Variants in CCDC178 observed in about 807,000 individuals in gnomAD.
CCDC178 encodes the protein coiled-coil domain-containing protein 178.
In CCDC178, 126 loss-of-function variants were observed where a neutral mutation model predicts 117.4. The ratio of observed to expected loss-of-function variants is 1.07; its 90% CI spans 0.93 to 1.24. CCDC178 has a LOEUF of 1.24. Among genes scored for constraint, CCDC178 ranks in the 50% most tolerant of loss-of-function variants. The pLI, the probability that CCDC178 is intolerant of heterozygous loss-of-function variation, is 0.00. For missense variants in CCDC178, 1,030 were observed against 986.9 expected, an observed-to-expected ratio of 1.04 and a Z score of -0.59; for synonymous variants, 283 against 313.4, an observed-to-expected ratio of 0.90 and a Z score of 1.02.
chr18:33,333,479 G>C, intron 9 of CCDC178, 85 bp from the exon 10 acceptor site: 9 of 369,964 alleles, frequency 2.4e-5, no homozygotes, highest in South Asian at 6.0e-5. Flanking sequence ...TTTAATTTCA[G>C]AAATTCCTTA....
chr18:33,430,064 A>G (rs1214713109), intron 2 of CCDC178, among the ~76,000 whole-genome samples: 1 of 152,226 alleles, frequency 6.6e-6, no homozygotes, highest in Non-Finnish European at 1.5e-5. Flanking sequence ...CTGCATTTAT[A>G]TTAATCATTT....
At chr18:33,322,801 T>C (rs955881771) in intron 11 of CCDC178, among the ~76,000 whole-genome samples, 1 of 151,436 alleles carries the variant, frequency 6.6e-6, no homozygotes, top group Non-Finnish European at 1.5e-5. Context: ...GAATGTTATC[T>C]AGGTTGTGAA....
At chr18:33,433,199 C>A (rs1432842124) in intron 2 of CCDC178, among the ~76,000 whole-genome samples, 1 of 152,132 alleles carries the variant, frequency 6.6e-6, no homozygotes, top group Non-Finnish European at 1.5e-5. Flanking sequence ...GCTGATTTTT[C>A]TGCTTCTGCA....
intron 21 of CCDC178, among the ~76,000 whole-genome samples, chr18:32,991,871 A>G (rs1186220133): frequency 3.9e-5 from 6 of 152,332 alleles, no homozygotes; most frequent in Admixed American, 2.6e-4. Context: ...TAATTACCCC[A>G]GGCATTTAAA....
At chr18:33,316,721 A>G (rs1031318953) in intron 11 of CCDC178, among the ~76,000 whole-genome samples, 1 of 152,028 alleles carries the variant, frequency 6.6e-6, no homozygotes, top group African/African-American at 2.4e-5. Flanking sequence ...AAACACACCA[A>G]TCAGCACCCT....
chr18:32,941,428 A>G (rs1655328750), intron 22 of CCDC178, among the ~76,000 whole-genome samples: 1 of 152,120 alleles, frequency 6.6e-6, no homozygotes, highest in Admixed American at 6.6e-5. Flanking sequence ...GAACAGGAAA[A>G]CATGATCTTT....
intron 22 of CCDC178, among the ~76,000 whole-genome samples, chr18:32,966,567 A>C (rs2054817806): frequency 6.6e-6 from 1 of 151,904 alleles, no homozygotes; most frequent in Non-Finnish European, 1.5e-5. Context: ...TTTGCTACTC[A>C]GTGGCATAAG....
intron 22 of CCDC178, among the ~76,000 whole-genome samples, chr18:32,951,081 T>C (rs750422509): frequency 2.0e-4 from 31 of 152,342 alleles, no homozygotes; most frequent in Non-Finnish European, 3.1e-4. Flanking sequence ...ATTAGACTTA[T>C]TTATTTTGCC....
chr18:33,133,582 A>T (rs1404254486), intron 20 of CCDC178, among the ~76,000 whole-genome samples: 2 of 151,790 alleles, frequency 1.3e-5, no homozygotes, highest in African/African-American at 2.4e-5. Flanking sequence ...TGTTTTACAA[A>T]TTTTTTTATA....
intron 2 of CCDC178, among the ~76,000 whole-genome samples, chr18:33,428,900 G>A (rs558528718): frequency 2.3e-4 from 35 of 150,708 alleles, no homozygotes; most frequent in South Asian, 4.2e-4. Context: ...TGAGAATAAC[G>A]TGTGCAGTAT....
intron 12 of CCDC178, among the ~76,000 whole-genome samples, chr18:33,271,043 A>AT (rs1021901381): frequency 3.3e-5 from 5 of 151,334 alleles, no homozygotes; most frequent in African/African-American, 7.3e-5. Flanking sequence ...ATCCAAAATA[A>AT]TTTTTTTTGT....
At chr18:33,010,318 T>A (rs1168079745) in intron 21 of CCDC178, among the ~76,000 whole-genome samples, 2 of 152,116 alleles carry the variant, frequency 1.3e-5, no homozygotes, top group African/African-American at 4.8e-5. Flanking sequence ...TGTAAAGTAT[T>A]CCCCTCAGAT....
chr18:32,948,572 T>A (rs908542787), intron 22 of CCDC178, among the ~76,000 whole-genome samples: 1 of 152,086 alleles, frequency 6.6e-6, no homozygotes, highest in Non-Finnish European at 1.5e-5. Flanking sequence ...TCTATATGGA[T>A]AAGCATGTTA....
At chr18:33,175,013 C>G (rs1568034443) in intron 20 of CCDC178, among the ~76,000 whole-genome samples, 1 of 151,100 alleles carries the variant, frequency 6.6e-6, no homozygotes, top group Non-Finnish European at 1.5e-5. Flanking sequence ...TGCTACAACC[C>G]GGCTAATTTT....
intron 11 of CCDC178, among the ~76,000 whole-genome samples, chr18:33,316,379 GCTCGATTT>G (rs2062417139): frequency 6.6e-6 from 1 of 152,174 alleles, no homozygotes; most frequent in Non-Finnish European, 1.5e-5. Context: ...CAGCTGCTGC[GCTCGATTT>G]CTCCCCGGGC....
intron 5 of CCDC178, among the ~76,000 whole-genome samples, chr18:33,383,612 G>A (rs1437734256): frequency 6.6e-6 from 1 of 152,016 alleles, no homozygotes; most frequent in Non-Finnish European, 1.5e-5. Context: ...CAGCAGACCT[G>A]CATAAGAGGG....
chr18:33,108,963 T>C (rs2057743834), intron 20 of CCDC178, among the ~76,000 whole-genome samples: 2 of 151,670 alleles, frequency 1.3e-5, no homozygotes, highest in South Asian at 4.1e-4. Flanking sequence ...TTCTTCCTTC[T>C]TGTCGCTCCA....
At chr18:33,232,616 T>C (rs1342475660) in intron 15 of CCDC178, among the ~76,000 whole-genome samples, 1 of 152,196 alleles carries the variant, frequency 6.6e-6, no homozygotes, top group Non-Finnish European at 1.5e-5. Flanking sequence ...TAACAGAAAG[T>C]ATAGGTGGCA....
At chr18:33,174,200 G>A (rs183427566) in intron 20 of CCDC178, among the ~76,000 whole-genome samples, 159 of 152,184 alleles carry the variant, frequency 1.0e-3, no homozygotes, top group African/African-American at 2.1e-3. Flanking sequence ...ACTTTTAAAC[G>A]ACCAGATCTT....
Sources: allele counts gnomAD v4.1 joint callset (sites outside exome capture counted in the v4.1 genomes callset), GRCh38; gene constraint gnomAD v4.1.1; transcripts MANE v1.5; gene names NCBI Gene and HGNC (gene_info 2026-07-23, HGNC 2026-07-21).